The following PSD3 variants were observed in gnomAD, a reference collection of about 807,000 sequenced individuals.
PSD3 encodes the protein PH and SEC7 domain-containing protein 3.
In PSD3, 49 loss-of-function variants were observed where a neutral mutation model predicts 105.5. The observed-to-expected ratio is 0.46, with a 90% CI of 0.37 to 0.59. The LOEUF (loss-of-function observed/expected upper bound fraction) is 0.59. Ranked by LOEUF, PSD3 falls within the 20% of genes least tolerant of loss-of-function variation. The pLI is 0.00. For missense variants in PSD3, 1,561 were observed against 1,263.8 expected (o/e 1.24, Z -3.57); for synonymous variants, 557 against 457.8 (o/e 1.22, Z -2.77).
At chr8:19,014,856 A>G (rs1394391352), upstream of PSD3, among the ~76,000 whole-genome samples, 1 of 152,170 alleles carries the variant, frequency 6.6e-6, no homozygotes, top group Non-Finnish European at 1.5e-5. This position sits in a 1 kb window ranked among gnomAD's most constrained non-coding sequence, Gnocchi z 4.9. Flanking sequence ...CCCCATCTGC[A>G]TCTATCAAAG....
intron 1 of PSD3, among the ~76,000 whole-genome samples, chr8:18,956,302 C>T (rs933477787): frequency 2.0e-5 from 3 of 152,124 alleles, no homozygotes; most frequent in Non-Finnish European, 4.4e-5. Context: ...GCATGCACAA[C>T]ACTGGTATCC....
intron 1 of PSD3, among the ~76,000 whole-genome samples, chr8:18,977,682 TTTTA>T (rs1439379378): frequency 6.6e-6 from 1 of 152,154 alleles, no homozygotes; most frequent in Non-Finnish European, 1.5e-5. Flanking sequence ...CCAAAGTCAT[TTTTA>T]TTAAAATATA....
intron 1 of PSD3, among the ~76,000 whole-genome samples, chr8:19,081,962 G>A (rs1405952301): frequency 6.6e-6 from 1 of 152,124 alleles, no homozygotes; most frequent in African/African-American, 2.4e-5. Flanking sequence ...CTTCCATTAT[G>A]GGGGATCGAG....
intron 1 of PSD3, among the ~76,000 whole-genome samples, chr8:19,074,783 G>T (rs1408871067): frequency 2.0e-5 from 3 of 150,896 alleles, no homozygotes; most frequent in Non-Finnish European, 4.4e-5. Context: ...ACCACACCGG[G>T]CTAATTTTTT....
At chr8:18,938,915 G>C (rs1165005997) in intron 1 of PSD3, among the ~76,000 whole-genome samples, 2 of 152,178 alleles carry the variant, frequency 1.3e-5, no homozygotes, top group Non-Finnish European at 2.9e-5. Flanking sequence ...CAGGAATCTG[G>C]CTTGAACAAC....
intron 9 of PSD3, among the ~76,000 whole-genome samples, chr8:18,729,725 G>T (rs976769565): frequency 6.6e-6 from 1 of 152,150 alleles, no homozygotes; most frequent in African/African-American, 2.4e-5. Flanking sequence ...TCTGGGCCAT[G>T]AATGAAATGA....
chr8:18,974,231 GCTCAAAAAGC>G (rs1824804080), intron 1 of PSD3, among the ~76,000 whole-genome samples: 2 of 152,056 alleles, frequency 1.3e-5, no homozygotes, highest in African/African-American at 4.8e-5. Context: ...AAAGAAAAAG[GCTCAAAAAGC>G]CTTCCTCAAA....
At chr8:19,013,426 G>T in intron 1 of PSD3, 137 bp downstream of exon 1, 1 of 1,169,650 alleles carries the variant, frequency 8.5e-7, no homozygotes, top group Non-Finnish European at 1.2e-6. Flanking sequence ...ATCGCACCCT[G>T]CACCTATCCA....
At chr8:18,961,914 T>C (rs1046220004) in intron 1 of PSD3, among the ~76,000 whole-genome samples, 4 of 152,126 alleles carry the variant, frequency 2.6e-5, no homozygotes, top group African/African-American at 9.7e-5. Flanking sequence ...ATTGATGGCT[T>C]GCTTTCCTGC....
intron 9 of PSD3, among the ~76,000 whole-genome samples, chr8:18,658,615 T>C (rs1229982374): frequency 7.9e-5 from 12 of 151,322 alleles, no homozygotes; most frequent in Admixed American, 7.9e-4. Context: ...CTCAAAATCC[T>C]GGGCTCAAGG....
chr8:18,923,598 T>C lies in PSD3; in HGVS notation c.130+12436A>G, dbSNP rs13280513. Among the ~76,000 whole-genome samples the C allele has an allele frequency of 8.6e-3, 1,317 of 152,270 alleles. 6 individuals carry two copies. The highest frequency in any genetic ancestry group is 0.013 in the Non-Finnish European group (861 of 68,020). Reference sequence around the variant, plus strand: ...CAATTGCCCACAGTATTCAATACAGTAATATGCTGTGTAGGTTCGTGGCCT... The same window carrying C: ...CAATTGCCCACAGTATTCAATACAGCAATATGCTGTGTAGGTTCGTGGCCT... On this transcript the variant is annotated intron_variant, in intron 2 of 15. Transcript: ENST00000327040.
intron 4 of PSD3, among the ~76,000 whole-genome samples, chr8:18,809,554 A>G (rs1442684963): frequency 2.2e-4 from 34 of 152,250 alleles, no homozygotes; most frequent in Non-Finnish European, 1.5e-5. Context: ...AGTACGTCCC[A>G]AATACTGCAC....
At chr8:18,924,267 C>T (rs532724636) in intron 2 of PSD3, among the ~76,000 whole-genome samples, 1 of 152,158 alleles carries the variant, frequency 6.6e-6, no homozygotes, top group Non-Finnish European at 1.5e-5. Context: ...GGCTGTGGTA[C>T]AGCTAAAATA....
intron 2 of PSD3, among the ~76,000 whole-genome samples, chr8:18,919,335 C>T (rs1473927543): frequency 6.6e-6 from 1 of 152,068 alleles, no homozygotes; most frequent in Non-Finnish European, 1.5e-5. Context: ...AAAGGAGCCC[C>T]ACCTTTCCTT....
At chr8:18,780,521 T>A (rs1238861277) in intron 8 of PSD3, among the ~76,000 whole-genome samples, 1 of 152,146 alleles carries the variant, frequency 6.6e-6, no homozygotes, top group Admixed American at 6.5e-5. Context: ...TTGCTGGTTT[T>A]CTGTAGTAGT....
chr8:18,644,960 C>T (rs1193106374), intron 10 of PSD3, among the ~76,000 whole-genome samples: 1 of 152,222 alleles, frequency 6.6e-6, no homozygotes, highest in African/African-American at 2.4e-5. Context: ...CTCTAACCCC[C>T]ACCTGCTCTC....
intron 10 of PSD3, among the ~76,000 whole-genome samples, chr8:18,651,319 A>G (rs1194265989): frequency 6.6e-6 from 1 of 152,220 alleles, no homozygotes; most frequent in Non-Finnish European, 1.5e-5. Flanking sequence ...CGGTTCTAAC[A>G]CTCAATAATT....
chr8:18,987,004 T>C (rs78656518), intron 1 of PSD3, among the ~76,000 whole-genome samples: 1,704 of 152,226 alleles, frequency 0.011, 13 homozygotes, highest in Non-Finnish European at 0.018. Flanking sequence ...CAAGGTCTGA[T>C]CTTTTCACAA....
intron 1 of PSD3, among the ~76,000 whole-genome samples, chr8:19,060,316 C>A (rs1423457873): frequency 6.6e-6 from 1 of 152,160 alleles, no homozygotes; most frequent in Non-Finnish European, 1.5e-5. Flanking sequence ...GCTATCAATA[C>A]CTCCTATTTA....
Sources: allele counts gnomAD v4.1 joint callset (sites outside exome capture counted in the v4.1 genomes callset), GRCh38; gene constraint gnomAD v4.1.1; non-coding constraint Gnocchi (gnomAD v3.1); transcripts MANE v1.5; gene names NCBI Gene and HGNC (gene_info 2026-07-23, HGNC 2026-07-21).